MRPL9: variants seen among roughly 807,000 people sequenced by gnomAD.
The protein encoded by MRPL9 is large ribosomal subunit protein bL9m.
Under a neutral mutation model 27.6 loss-of-function variants are expected in MRPL9, and 25 were observed. The ratio of observed to expected loss-of-function variants is 0.91; its 90% CI spans 0.66 to 1.27. MRPL9 has a LOEUF of 1.27. MRPL9 is among the 50% of genes most tolerant of loss of function. MRPL9 has a pLI of 0.00. For synonymous variants in MRPL9, 154 were observed against 139.0 expected, an observed-to-expected ratio of 1.11 and a Z score of -0.76; for missense variants, 362 against 338.0, an observed-to-expected ratio of 1.07 and a Z score of -0.56.
In MRPL9 at chr1:151,762,148, TGTCTC is replaced by T. The variant is rs1648114224; in HGVS notation, c.438_442del (p.Gln148ArgfsTer12). 7 of 1,614,092 alleles carry T rather than the reference TGTCTC, an allele frequency of 4.3e-6. No homozygotes were observed. Among genetic ancestry groups the T allele is most frequent in the African/African-American group, 1.3e-5 (1 of 75,052 alleles). ...CTGGATCTTCTCTAATTTTCCTTCT[TGTCTC>T]AGCTAGAAAAGAAAGTTAAAGATGA... is the stretch of plus-strand genomic sequence containing the variant. On this transcript the variant is annotated frameshift_variant and splice_region_variant, in exon 4 of 7. Transcript: ENST00000368830. LOFTEE classifies it high-confidence loss of function.
intron 4 of MRPL9, 144 bp from the exon 5 acceptor site, chr1:151,761,696 C>T: frequency 3.2e-6 from 2 of 626,266 alleles, no homozygotes; most frequent in South Asian, 3.8e-5. Context: ...CACTTCAGCC[C>T]AGGAGTTTGA....
intron 4 of MRPL9, 131 bp from the exon 5 acceptor site, chr1:151,761,683 G>A (rs1248146866): frequency 1.6e-6 from 1 of 644,850 alleles, no homozygotes; most frequent in Non-Finnish European, 2.7e-6. Context: ...TCCCAAAGTG[G>A]GTCACTTCAG....
Position 151,761,481 on chromosome 1 carries a change from AG to A in MRPL9, c.557del (p.Pro186LeufsTer3). On this transcript the variant is annotated frameshift_variant, in exon 5 of 7. Transcript: ENST00000368830. LOFTEE classifies it high-confidence loss of function. The part of the protein sequence containing the change: ...MKNNVKWELN[P>X]EIVARHFFKN... Reference sequence around the variant, plus strand: ...TAAAGAAGTGGCGGGCAACTATTTCAGGGTTCAGCTCCCATTTGACATTGTT... The same window carrying A: ...TAAAGAAGTGGCGGGCAACTATTTCAGGTTCAGCTCCCATTTGACATTGTT... The A allele has an allele frequency of 1.2e-6, 2 of 1,613,984 alleles. No homozygotes were observed. Among genetic ancestry groups the A allele is most frequent in the Non-Finnish European group, 1.7e-6 (2 of 1,179,860 alleles).
chr1:151,761,559 G>A lies in MRPL9; in HGVS notation c.487-7C>T, dbSNP rs758318115. Reference sequence around the variant, plus strand: ...TTTTTAGAAATTTCACTGTCTGAAAGGAATTATGAGTTTGAGTCAAAGGAG... The same window carrying A: ...TTTTTAGAAATTTCACTGTCTGAAAAGAATTATGAGTTTGAGTCAAAGGAG... On this transcript the variant is annotated splice_polypyrimidine_tract_variant and splice_region_variant and intron_variant, in intron 4 of 6. Transcript: ENST00000368830. The A allele has an allele frequency of 4.4e-6, 7 of 1,596,120 alleles. No homozygotes were observed. In the East Asian group the frequency reaches 8.9e-5, roughly 20 times the overall value.
At chr1:151,763,186 G>T in intron 1 of MRPL9, 40 bp from the exon 2 acceptor site, 5 of 1,598,978 alleles carry the variant, frequency 3.1e-6, no homozygotes, top group Non-Finnish European at 4.3e-6. Context: ...GTCTCCACAA[G>T]GAACACCCTC....
At position 151,762,373 on chromosome 1, in the gene MRPL9, C is replaced by T; in HGVS notation, c.435+3G>A. On this transcript the variant is annotated splice_donor_region_variant and intron_variant, in intron 3 of 6. Coordinates refer to ENST00000368830, the MANE Select transcript of MRPL9 (RefSeq NM_031420.4). Reference sequence around the variant, plus strand: ...AGTCTCTCTGTCCTTCCTTTGAGCTCACCAATTTCTCCTCTTCAAACAGCT... The same window carrying T: ...AGTCTCTCTGTCCTTCCTTTGAGCTTACCAATTTCTCCTCTTCAAACAGCT... 6.2e-7 allele frequency: 1 copy of T among 1,614,102 alleles called. No homozygotes were observed. Among genetic ancestry groups the T allele is most frequent in the Non-Finnish European group, 8.5e-7 (1 of 1,180,026 alleles).
chr1:151,761,176 A>T (rs1211887735), intron 5 of MRPL9, among the ~76,000 whole-genome samples: 1 of 152,324 alleles, frequency 6.6e-6, no homozygotes, highest in East Asian at 1.9e-4. Context: ...AAAAGTAACA[A>T]TTCTCCAGTG....
At chr1:151,761,788 T>A (rs1648095315) in intron 4 of MRPL9, among the ~76,000 whole-genome samples, 2 of 152,192 alleles carry the variant, frequency 1.3e-5, no homozygotes, top group Admixed American at 6.5e-5. Flanking sequence ...GTGCCTGTAC[T>A]GATTATCTTC....
Position 151,763,456 on chromosome 1 carries a change from G to A in MRPL9, c.24C>T (p.Ala8=). 6.4e-7 allele frequency: 1 copy of A among 1,574,660 alleles called. No homozygotes were observed. Among genetic ancestry groups the A allele is most frequent in the Non-Finnish European group, 8.6e-7 (1 of 1,160,528 alleles). Residue 8 remains alanine, a synonymous_variant, in exon 1 of 7, where the codon GCC becomes GCT. Transcript: ENST00000368830. ...CCGCCCGCAGCAGAGCTCTGCCCGG[G>A]GCCGTGACAACGGGCGCCGCCATGT... MAAPVVT[A]PGRALLRAGA...
intron 4 of MRPL9, 55 bp from the exon 5 acceptor site, chr1:151,761,607 G>C (rs1648088274): frequency 7.3e-7 from 1 of 1,373,300 alleles, no homozygotes; most frequent in East Asian, 2.3e-5. Flanking sequence ...AGGGTCACAG[G>C]GTATGCAAGC....
At position 151,760,796 on chromosome 1, in the gene MRPL9, A is replaced by G. The variant is rs377453943; in HGVS notation, c.672+20T>C. On this transcript the variant is annotated intron_variant, in intron 6 of 6. Coordinates refer to ENST00000368830, the MANE Select transcript of MRPL9 (RefSeq NM_031420.4). ...GAAAAGGAGAAAGAAAAGAAAAAAGAAAGTATGCAAAACACTCACCGTCAC... is the reference window on the plus strand; with the variant it reads ...GAAAAGGAGAAAGAAAAGAAAAAAGGAAGTATGCAAAACACTCACCGTCAC... The G allele has an allele frequency of 4.5e-6, 7 of 1,550,004 alleles. No individual in the cohort carries two copies. The highest frequency in any genetic ancestry group is 2.8e-5 in the African/African-American group (2 of 70,968).
intron 5 of MRPL9, 132 bp from the exon 6 acceptor site, chr1:151,761,031 C>T: frequency 2.6e-6 from 2 of 756,414 alleles, no homozygotes; most frequent in Admixed American, 3.3e-5. Context: ...GGGGTGTCTA[C>T]TCTGGCTGAT....
Position 151,760,899 on chromosome 1 carries a change from G to T in MRPL9, c.589C>A (p.Leu197Ile). 8.2e-7 allele frequency: 1 copy of T among 1,220,274 alleles called. No homozygotes were observed. Among genetic ancestry groups the T allele is most frequent in the African/African-American group, 2.3e-5 (1 of 43,270 alleles). 75.6% of individuals were successfully genotyped at this position (1,220,274 alleles called of 1,614,324 possible). A position where few individuals can be genotyped will look rare whatever the true frequency, so the allele number is the denominator to read the frequency against. The change falls in exon 6 of 7, where the codon CTT (leucine) becomes ATT (isoleucine). Residue 197 changes from leucine (L) to isoleucine (I), a missense_variant and splice_region_variant. Physicochemically the swap from Leu to Ile is conservative, Grantham distance 5 (BLOSUM62 2). Coordinates refer to ENST00000368830, the MANE Select transcript of MRPL9 (RefSeq NM_031420.4). ...GTATGTGGGGCAACCACAACACCAA[G>T]CTGCAAAAAAAAAAAAAAAAAAAAA... ...EIVARHFFKN[L>I]GVVVAPHTLK... is the part of the protein sequence containing the mutation.
intron 2 of MRPL9, chr1:151,762,781 T>G: frequency 1.4e-6 from 1 of 712,954 alleles, no homozygotes; most frequent in Non-Finnish European, 2.3e-6. Flanking sequence ...CACACACTGT[T>G]AATGATGTTG....
chr1:151,760,918 A>AAAAAAAAAAAAAAAAAAAAAAAAAC lies in MRPL9; in HGVS notation c.589-20_589-19insGTTTTTTTTTTTTTTTTTTTTTTTT. 6.4e-7 allele frequency: 1 copy of AAAAAAAAAAAAAAAAAAAAAAAAAC among 1,552,098 alleles called. No individual in the cohort carries two copies. The highest frequency in any genetic ancestry group is 8.6e-7 in the Non-Finnish European group (1 of 1,160,346). Reference sequence around the variant, plus strand: ...CACCAAGCTGCAAAAAAAAAAAAAAAAAAAAAAATCTCAGCTCAAATGAAC... The same window carrying AAAAAAAAAAAAAAAAAAAAAAAAAC: ...CACCAAGCTGCAAAAAAAAAAAAAAAAAAAAAAAAAAAAAAAAAAAAAAACAAAAAAAATCTCAGCTCAAATGAAC... On this transcript the variant is annotated intron_variant, in intron 5 of 6. Coordinates refer to ENST00000368830, the MANE Select transcript of MRPL9 (RefSeq NM_031420.4).
chr1:151,762,234 T>TG, intron 3 of MRPL9, 79 bp from the exon 4 acceptor site: 1 of 1,566,664 alleles, frequency 6.4e-7, no homozygotes, highest in Non-Finnish European at 8.8e-7. Context: ...ATTCCTATGT[T>TG]GGACATTGGC....
chr1:151,760,921 A>AAAAAAAAAAAAAAAT (rs1553276958), intron 5 of MRPL9, 22 bp from the exon 6 acceptor site: 2 of 1,541,224 alleles, frequency 1.3e-6, no homozygotes, highest in African/African-American at 2.9e-5. Flanking sequence ...AAAAAAAAAA[A>AAAAAAAAAAAAAAAT]AAAAATCTCA....
chr1:151,763,200 C>G (rs1648194939), intron 1 of MRPL9, 54 bp from the exon 2 acceptor site: 1 of 1,577,298 alleles, frequency 6.3e-7, no homozygotes, highest in South Asian at 1.1e-5. Context: ...CACCCTCTCC[C>G]TCCACCACGG....
chr1:151,763,033 C>T lies in MRPL9; in HGVS notation c.267G>A (p.Arg89=), dbSNP rs1399101445. 1.8e-5 allele frequency: 29 copies of T among 1,614,100 alleles called. No homozygotes were observed. The highest frequency in any genetic ancestry group is 1.7e-4 in the Admixed American group (10 of 60,008). ...GGATGAGCTCCAGGTTTTCTTTGGG[C>T]CGATGCTTCGTGTCCTCCACCAGCT... is the stretch of plus-strand genomic sequence containing the variant. ...VYKLVEDTKH[R]PKENLELILT... The change falls in exon 2 of 7, where the codon CGG becomes CGA. Residue 89 remains arginine, a synonymous_variant. Coordinates refer to ENST00000368830, the MANE Select transcript of MRPL9 (RefSeq NM_031420.4).
Sources: gnomAD v4.1 joint callset for allele counts (sites outside exome capture counted in the v4.1 genomes callset) on GRCh38, gnomAD v4.1.1 for gene constraint, MANE v1.5 for transcripts, NCBI Gene and HGNC (gene_info 2026-07-23, HGNC 2026-07-21) for gene names.